The following DNAH9 variants were observed in gnomAD, a reference collection of about 807,000 sequenced individuals.
The protein encoded by DNAH9 is dynein axonemal heavy chain 9.
DNAH9 carries 345 observed loss-of-function variants against 471.6 expected under a neutral mutation model. The ratio of observed to expected loss-of-function variants is 0.73; its 90% CI spans 0.67 to 0.80. The LOEUF is 0.80. DNAH9 is among the 30% of genes least tolerant of loss of function. The pLI is 0.00. For missense variants in DNAH9, 5,407 were observed against 5,609.2 expected, an observed-to-expected ratio of 0.96 and a Z score of 1.15; for synonymous variants, 2,093 against 2,123.6, an observed-to-expected ratio of 0.99 and a Z score of 0.40.
chr17:11,827,931 G>T (rs562564502), intron 48 of DNAH9, among the ~76,000 whole-genome samples: 1 of 151,854 alleles, frequency 6.6e-6, no homozygotes, highest in African/African-American at 2.4e-5. Flanking sequence ...GGTGATCCAC[G>T]TCCTTGGTTC....
chr17:11,782,476 G>A (rs1968707026), intron 39 of DNAH9, among the ~76,000 whole-genome samples: 1 of 152,080 alleles, frequency 6.6e-6, no homozygotes, highest in African/African-American at 2.4e-5. Flanking sequence ...GTGTCCCCAT[G>A]CATCTCTCCT....
chr17:11,733,342 T>C (rs1012963603), intron 28 of DNAH9, among the ~76,000 whole-genome samples: 2 of 152,208 alleles, frequency 1.3e-5, no homozygotes, highest in African/African-American at 4.8e-5. Context: ...AGAGACAGCA[T>C]GGCCTTAATA....
chr17:11,932,152 G>C lies in DNAH9; in HGVS notation c.12244G>C (p.Asp4082His), dbSNP rs1974536205. 1 of 1,614,014 alleles carries C rather than the reference G, an allele frequency of 6.2e-7. No homozygotes were observed. Among genetic ancestry groups the C allele is most frequent in the Admixed American group, 1.7e-5 (1 of 59,986 alleles). ...TCGCTCATACCCCTTTAACACTGGAGACCTCACTATCTCTGTGAATGTCCT... is the reference window on the plus strand; with the variant it reads ...TCGCTCATACCCCTTTAACACTGGACACCTCACTATCTCTGTGAATGTCCT... ...WNRSYPFNTG[D>H]LTISVNVLYN... is the part of the protein sequence containing the mutation. The change falls in exon 64 of 69, where the codon GAC becomes CAC. Residue 4082 changes from aspartate to histidine, a missense_variant. Asp to His is a moderately conservative substitution (Grantham distance 81). Around this residue, in one of 3 missense-constraint regions of DNAH9, gnomAD observed 4,636 missense variants for 4,900.3 expected, o/e 0.95. Coordinates refer to ENST00000262442, the MANE Select transcript of DNAH9 (RefSeq NM_001372.4). The surrounding 1 kb of genome is among the most constrained non-coding windows in gnomAD (Gnocchi z 4.3).
chr17:11,645,407 A>G (rs1309191194), intron 11 of DNAH9, among the ~76,000 whole-genome samples: 1 of 152,170 alleles, frequency 6.6e-6, no homozygotes, highest in Non-Finnish European at 1.5e-5. Flanking sequence ...TTCACAAGAG[A>G]CTGGAACTTC....
chr17:11,931,918 T>C (rs1974523903), intron 63 of DNAH9, 96 bp from the exon 64 acceptor site: 2 of 1,397,756 alleles, frequency 1.4e-6, no homozygotes, highest in Admixed American at 1.9e-5. Flanking sequence ...TATATGGTAA[T>C]GTTTTCCAAC....
chr17:11,967,358 T>G (rs920135822), intron 68 of DNAH9, among the ~76,000 whole-genome samples: 3 of 152,098 alleles, frequency 2.0e-5, no homozygotes, highest in Non-Finnish European at 4.4e-5. Context: ...CTTCCTGCCT[T>G]GGCCTCCCAG....
At chr17:11,855,454 A>T (rs1037962507) in intron 50 of DNAH9, among the ~76,000 whole-genome samples, 3 of 152,192 alleles carry the variant, frequency 2.0e-5, no homozygotes, top group African/African-American at 7.2e-5. Context: ...TTTGTGTGAG[A>T]AAGGTGAAAG....
At chr17:11,601,371 A>G (rs1434191668) in intron 1 of DNAH9, among the ~76,000 whole-genome samples, 1 of 150,654 alleles carries the variant, frequency 6.6e-6, no homozygotes, top group Non-Finnish European at 1.5e-5. Context: ...GGTGGGAGGG[A>G]GAGAGGGAGG....
chr17:11,701,334 C>A, intron 24 of DNAH9, 87 bp downstream of exon 24: 1 of 1,463,086 alleles, frequency 6.8e-7, no homozygotes, highest in Non-Finnish European at 9.4e-7. Flanking sequence ...TGGTAGATAT[C>A]AGGCTGGCTG....
intron 7 of DNAH9, among the ~76,000 whole-genome samples, chr17:11,631,441 G>A (rs1012001180): frequency 2.0e-5 from 3 of 151,922 alleles, no homozygotes; most frequent in Non-Finnish European, 2.9e-5. Flanking sequence ...AAGGTGGACC[G>A]TAGACTATCC....
At chr17:11,886,075 C>A (rs533574551) in intron 56 of DNAH9, among the ~76,000 whole-genome samples, 38 of 152,320 alleles carry the variant, frequency 2.5e-4, no homozygotes, top group Admixed American at 3.9e-4. Context: ...ATAATCCCAG[C>A]ACTTTGGGAG....
At chr17:11,745,144 G>A in intron 31 of DNAH9, 60 bp downstream of exon 31, 2 of 1,353,908 alleles carry the variant, frequency 1.5e-6, no homozygotes, top group Non-Finnish European at 2.1e-6. Context: ...CAGGATAATG[G>A]GTTATCCTTC....
chr17:11,767,485 C>A (rs1968002316), intron 36 of DNAH9, among the ~76,000 whole-genome samples: 1 of 152,150 alleles, frequency 6.6e-6, no homozygotes, highest in African/African-American at 2.4e-5. Flanking sequence ...TGAGGAGTGC[C>A]CTTTTTTCGG....
At chr17:11,747,507 C>T in intron 31 of DNAH9, 49 bp from the exon 32 acceptor site, 2 of 1,472,364 alleles carry the variant, frequency 1.4e-6, no homozygotes, top group Non-Finnish European at 9.5e-7. Flanking sequence ...AGTTGGGATG[C>T]AGGTGAGTCA....
intron 67 of DNAH9, among the ~76,000 whole-genome samples, chr17:11,951,858 G>A (rs1975372501): frequency 6.6e-6 from 1 of 151,282 alleles, no homozygotes; most frequent in Admixed American, 6.6e-5. Context: ...GGAAGGCAGA[G>A]GTTGCAGTGA....
chr17:11,714,879 T>G (rs1470220675), intron 26 of DNAH9, among the ~76,000 whole-genome samples: 1 of 152,106 alleles, frequency 6.6e-6, no homozygotes, highest in African/African-American at 2.4e-5. Flanking sequence ...AGAACCTGAA[T>G]GAGCTTGGAA....
intron 45 of DNAH9, among the ~76,000 whole-genome samples, chr17:11,817,274 C>G (rs1182412081): frequency 2.0e-5 from 3 of 152,102 alleles, no homozygotes; most frequent in Non-Finnish European, 4.4e-5. Flanking sequence ...ATTTTGTTCC[C>G]TATTCAGAGG....
chr17:11,674,305 T>A (rs768444781), intron 17 of DNAH9, among the ~76,000 whole-genome samples: 1 of 152,160 alleles, frequency 6.6e-6, no homozygotes, highest in Non-Finnish European at 1.5e-5. Flanking sequence ...CCTTCCAAGG[T>A]AGAGACAGCC....
At chr17:11,861,027 C>CTT (rs56930700) in intron 50 of DNAH9, among the ~76,000 whole-genome samples, 59,325 of 143,740 alleles carry the variant, frequency 0.41, 12,307 homozygotes, top group Non-Finnish European at 0.47. Flanking sequence ...AGCTGTCATT[C>CTT]TTTTTTTTTT....
Sources: allele counts gnomAD v4.1 joint callset (sites outside exome capture counted in the v4.1 genomes callset), GRCh38; gene constraint gnomAD v4.1.1; regional missense constraint gnomAD v4.1.1; non-coding constraint Gnocchi (gnomAD v3.1); transcripts MANE v1.5; gene names NCBI Gene and HGNC (gene_info 2026-07-23, HGNC 2026-07-21).